NR1H4: variants seen among roughly 807,000 people sequenced by gnomAD.
NR1H4 encodes nuclear receptor subfamily 1 group H member 4.
Under a neutral mutation model 58.5 loss-of-function variants are expected in NR1H4, and 23 were observed. The observed-to-expected ratio is 0.39, with a 90% CI of 0.28 to 0.56. NR1H4 has a LOEUF of 0.56. NR1H4 is among the 20% of genes least tolerant of loss of function. The pLI is 0.58. For missense variants in NR1H4, 487 were observed against 576.9 expected, an observed-to-expected ratio of 0.84 and a Z score of 1.60; for synonymous variants, 214 against 198.0, an observed-to-expected ratio of 1.08 and a Z score of -0.68.
intron 3 of NR1H4, among the ~76,000 whole-genome samples, chr12:100,495,557 C>T (rs1468140368): frequency 6.6e-6 from 1 of 151,940 alleles, no homozygotes; most frequent in Non-Finnish European, 1.5e-5. Context: ...ATGGTTAAAC[C>T]CTGTCTCTAC....
rs572043363 is a variant in NR1H4 at position 100,480,904 on chromosome 12, G to A, written c.-190+6845G>A. Among the ~76,000 whole-genome samples the A allele has an allele frequency of 5.9e-5, 9 of 152,348 alleles. No individual in the cohort carries two copies. In the South Asian group the frequency reaches 1.9e-3, roughly 32 times the overall value. ...GTCTGGGGTCTTGATGTGGCCGTCA[G>A]CTGGGATAGTTGGAAGAGCTGGACT... On this transcript the variant is annotated intron_variant, in intron 1 of 10. Transcript: ENST00000392986.
chr12:100,548,961 A>G (rs1955143098), intron 9 of NR1H4, among the ~76,000 whole-genome samples: 1 of 152,168 alleles, frequency 6.6e-6, no homozygotes, highest in African/African-American at 2.4e-5. Context: ...AGTTCTATCC[A>G]TACAGATGGA....
At chr12:100,542,838 C>T (rs1199927216) in intron 9 of NR1H4, among the ~76,000 whole-genome samples, 2 of 151,034 alleles carry the variant, frequency 1.3e-5, no homozygotes, top group Non-Finnish European at 3.0e-5. Context: ...GATTTAAAAA[C>T]CACACACTTT....
rs772488925 is a variant in NR1H4, at chr12:100,540,724, G to A, written c.984G>A (p.Ala328=). 3.2e-5 allele frequency: 51 copies of A among 1,614,130 alleles called. No individual in the cohort carries two copies. In the South Asian group the frequency reaches 4.0e-4, roughly 13 times the overall value. Reference sequence around the variant, plus strand: ...AGATTGCTTTGCTGAAAGGGTCTGCGGTTGAAGCTATGTTCCTTCGTTCAG... The same window carrying A: ...AGATTGCTTTGCTGAAAGGGTCTGCAGTTGAAGCTATGTTCCTTCGTTCAG... The part of the protein sequence containing the change: ...EDQIALLKGS[A]VEAMFLRSAE... The change falls in exon 9 of 11, where the codon GCG becomes GCA. Residue 328 remains alanine (A), a synonymous_variant. Coordinates refer to ENST00000392986, the MANE Select transcript of NR1H4 (RefSeq NM_001206979.2).
At chr12:100,493,672 G>A (rs894984451) in intron 3 of NR1H4, among the ~76,000 whole-genome samples, 18 of 152,226 alleles carry the variant, frequency 1.2e-4, no homozygotes, top group South Asian at 6.2e-4. Context: ...ACAGAGCAGG[G>A]AGTAGAAAGC....
chr12:100,493,067 A>G (rs1453277218), intron 2 of NR1H4, among the ~76,000 whole-genome samples: 1 of 152,172 alleles, frequency 6.6e-6, no homozygotes. Context: ...TTATGCAAGC[A>G]CGTATCTTGG....
chr12:100,487,946 A>G lies in NR1H4; in HGVS notation c.-189-4557A>G, dbSNP rs185585125. Among the ~76,000 whole-genome samples, 8 of 151,164 alleles carry G rather than the reference A, an allele frequency of 5.3e-5. No individual in the cohort carries two copies. The East Asian group carries it at 5.9e-4, about 11-fold the overall frequency. ...ATTTCTAAGGAGATTTGCTTCCTCT[A>G]CTTCATGTGTTCTGCCAGCTGTTGA... On this transcript the variant is annotated intron_variant, in intron 1 of 10. Coordinates refer to ENST00000392986, the MANE Select transcript of NR1H4 (RefSeq NM_001206979.2).
At chr12:100,530,577 A>T (rs1449478027) in intron 4 of NR1H4, among the ~76,000 whole-genome samples, 1 of 152,192 alleles carries the variant, frequency 6.6e-6, no homozygotes. Flanking sequence ...CCAGTTAAAC[A>T]TCTCACTTAT....
rs398020830 is a variant in NR1H4 at position 100,506,002 on chromosome 12, A to AACACACAC, written c.80-4742_80-4735dup. On this transcript the variant is annotated intron_variant, in intron 3 of 10. Transcript: ENST00000392986. The stretch of plus-strand genomic sequence containing the variant: ...TGACTGCTAAATAGCAAGTGTTTAT[A>AACACACAC]ACACACACACACACACACACACACA... Among the ~76,000 whole-genome samples, 739 of 141,104 alleles carry AACACACAC rather than the reference A, an allele frequency of 5.2e-3. 3 individuals are homozygous for AACACACAC. The highest frequency in any genetic ancestry group is 0.014 in the African/African-American group (503 of 37,108). The allele number at this position is 141,104 out of a possible 152,430, so 92.6% of individuals were successfully genotyped here.
chr12:100,477,878 C>T (rs1953302868), intron 1 of NR1H4, among the ~76,000 whole-genome samples: 1 of 152,126 alleles, frequency 6.6e-6, no homozygotes, highest in African/African-American at 2.4e-5. Context: ...CCTGGAGTCC[C>T]GACTCTGAAT....
chr12:100,520,607 T>C (rs1460087473), intron 4 of NR1H4, among the ~76,000 whole-genome samples: 1 of 152,102 alleles, frequency 6.6e-6, no homozygotes, highest in Non-Finnish European at 1.5e-5. Context: ...GCCTGCCAAA[T>C]CTGCACCTGC....
At chr12:100,486,070 C>A (rs1255388971) in intron 1 of NR1H4, among the ~76,000 whole-genome samples, 3 of 151,904 alleles carry the variant, frequency 2.0e-5, no homozygotes, top group Non-Finnish European at 4.4e-5. Context: ...TTTACGGCAA[C>A]CCTATTATTT....
chr12:100,476,688 C>G (rs1201097677), intron 1 of NR1H4, among the ~76,000 whole-genome samples: 1 of 152,026 alleles, frequency 6.6e-6, no homozygotes, highest in Non-Finnish European at 1.5e-5. Context: ...TCATTTTTAT[C>G]TTAGTCTCTA....
At chr12:100,518,797 T>G (rs916311133) in intron 4 of NR1H4, among the ~76,000 whole-genome samples, 1 of 148,156 alleles carries the variant, frequency 6.7e-6, no homozygotes, top group Non-Finnish European at 1.5e-5. Context: ...ACTTTTTTTT[T>G]TTTTTTTTTT....
chr12:100,523,609 G>A (rs781270100), intron 4 of NR1H4, among the ~76,000 whole-genome samples: 2 of 152,022 alleles, frequency 1.3e-5, no homozygotes, highest in Non-Finnish European at 2.9e-5. Context: ...TGTTTTTGGG[G>A]TTTTAGTCTT....
chr12:100,500,906 T>A (rs539711048), intron 3 of NR1H4, among the ~76,000 whole-genome samples: 10 of 152,264 alleles, frequency 6.6e-5, no homozygotes, highest in African/African-American at 2.2e-4. Context: ...TTCATAGCAG[T>A]GTGAAAAGAG....
chr12:100,484,678 G>A (rs1386441266), intron 1 of NR1H4, among the ~76,000 whole-genome samples: 3 of 151,912 alleles, frequency 2.0e-5, no homozygotes, highest in African/African-American at 7.3e-5. Context: ...CTGACGCCAC[G>A]CTGCTATGCA....
At chr12:100,530,811 C>T (rs1409810399) in intron 4 of NR1H4, among the ~76,000 whole-genome samples, 1 of 152,098 alleles carries the variant, frequency 6.6e-6, no homozygotes, top group African/African-American at 2.4e-5. Flanking sequence ...CTAAAGAGGT[C>T]CTGTTGCCCC....
chr12:100,513,448 A>T (rs1954175204), intron 4 of NR1H4, among the ~76,000 whole-genome samples: 1 of 152,150 alleles, frequency 6.6e-6, no homozygotes, highest in African/African-American at 2.4e-5. Flanking sequence ...GCTTATGTTA[A>T]AGATTTTAAA....
Sources: allele counts gnomAD v4.1 joint callset (sites outside exome capture counted in the v4.1 genomes callset), GRCh38; gene constraint gnomAD v4.1.1; transcripts MANE v1.5; gene names NCBI Gene and HGNC (gene_info 2026-07-23, HGNC 2026-07-21).